STAMBPL1: variants seen among roughly 807,000 people sequenced by gnomAD.
STAMBPL1 encodes AMSH-like protease.
In STAMBPL1, 44 loss-of-function variants were observed where a neutral mutation model predicts 52.9. That is an observed-to-expected ratio of 0.83 (90% confidence interval 0.65 to 1.07). The LOEUF (loss-of-function observed/expected upper bound fraction) is 1.07. Ranked by LOEUF, STAMBPL1 falls within the 50% of genes least tolerant of loss-of-function variation. The pLI is 0.00. For missense variants in STAMBPL1, 511 were observed against 520.8 expected, an observed-to-expected ratio of 0.98 and a Z score of 0.18; for synonymous variants, 164 against 177.3, an observed-to-expected ratio of 0.92 and a Z score of 0.60.
chr10:88,902,442 T>C (rs1844966574), intron 2 of STAMBPL1, among the ~76,000 whole-genome samples: 1 of 152,222 alleles, frequency 6.6e-6, no homozygotes, highest in Non-Finnish European at 1.5e-5. Context: ...CAGCCACTCA[T>C]GGTGACCTTG....
chr10:88,886,720 C>T (rs1844543810), intron 1 of STAMBPL1, among the ~76,000 whole-genome samples: 1 of 152,142 alleles, frequency 6.6e-6, no homozygotes, highest in Middle Eastern at 3.2e-3. Context: ...CCCTTTTTAG[C>T]TCCCTGTGAA....
chr10:88,908,498 G>A (rs1845133006), intron 3 of STAMBPL1, among the ~76,000 whole-genome samples: 1 of 152,144 alleles, frequency 6.6e-6, no homozygotes, highest in Non-Finnish European at 1.5e-5. Flanking sequence ...GTTAGCTTTG[G>A]TGCTTAGTTG....
Position 88,911,685 on chromosome 10 carries a change from ACT to A in STAMBPL1, c.420+678_420+679del, listed in dbSNP as rs773345033. ...GCTTTAGGGGTTACCACCTTCACTG[ACT>A]CTCACTTCAGTTCAATCTCATCATC... is the stretch of plus-strand genomic sequence containing the variant. On this transcript the variant is annotated intron_variant, in intron 5 of 10. Transcript: ENST00000371926. 6.6e-5 allele frequency among the ~76,000 whole-genome samples: 10 copies of A among 152,202 alleles called. 1 individual carries two copies. Among genetic ancestry groups the A allele is most frequent in the South Asian group, 4.2e-4 (2 of 4,816 alleles).
At chr10:88,886,551 A>G (rs1844538674) in intron 1 of STAMBPL1, among the ~76,000 whole-genome samples, 2 of 152,198 alleles carry the variant, frequency 1.3e-5, no homozygotes, top group Non-Finnish European at 2.9e-5. Context: ...TGCAATGCTT[A>G]GGTATAGTGG....
intron 6 of STAMBPL1, among the ~76,000 whole-genome samples, chr10:88,913,979 G>A (rs1441022550): frequency 6.6e-6 from 1 of 152,194 alleles, no homozygotes; most frequent in South Asian, 2.1e-4. Context: ...TGCCAGATCA[G>A]TGCTGGCAAG....
At chr10:88,909,395 C>T (rs1845158959) in intron 4 of STAMBPL1, among the ~76,000 whole-genome samples, 1 of 151,850 alleles carries the variant, frequency 6.6e-6, no homozygotes, top group South Asian at 2.1e-4. Context: ...ACAATGTTTC[C>T]CATTTATTTG....
chr10:88,916,432 G>A (rs1845371362), intron 7 of STAMBPL1, among the ~76,000 whole-genome samples: 1 of 151,116 alleles, frequency 6.6e-6, no homozygotes, highest in Admixed American at 6.6e-5. Context: ...TTGTGAAACT[G>A]GGTTTCAAGC....
intron 1 of STAMBPL1, among the ~76,000 whole-genome samples, chr10:88,886,833 C>A (rs1031314390): frequency 6.6e-6 from 1 of 152,190 alleles, no homozygotes; most frequent in African/African-American, 2.4e-5. Context: ...GTGCACTAAT[C>A]AGCTATGCAC....
At chr10:88,914,371 A>G (rs1172651346) in intron 6 of STAMBPL1, among the ~76,000 whole-genome samples, 163 bp from the exon 7 acceptor site, 1 of 152,146 alleles carries the variant, frequency 6.6e-6, no homozygotes, top group African/African-American at 2.4e-5. Context: ...ACTTCTAGTT[A>G]ATGTTTACTT....
Position 88,914,535 on chromosome 10 carries a change from T to G in STAMBPL1, c.780T>G (p.Asn260Lys), listed in dbSNP as rs1456955429. The change falls in exon 7 of 11, where the codon AAT (asparagine) becomes AAG (lysine). Residue 260 changes from asparagine to lysine, a missense_variant and splice_region_variant. This residue lies in a region of STAMBPL1 where 358 missense variants were observed against 343.5 expected (regional missense o/e 1.04). Coordinates refer to ENST00000371926, the MANE Select transcript of STAMBPL1 (RefSeq NM_020799.4). The stretch of plus-strand genomic sequence containing the variant: ...TTTTCTCCCTTTTTTGTTTCTTAGA[T>G]TTAGTGGTTGAAGGACTGCGATGTG... Reference protein sequence around the residue: ...TPAATLSAVQNLVVEGLRCVV... With the variant: ...TPAATLSAVQKLVVEGLRCVV... The G allele has an allele frequency of 1.3e-6, 2 of 1,493,586 alleles. No individual in the cohort carries two copies. The highest frequency in any genetic ancestry group is 2.9e-5 in the African/African-American group (2 of 69,594). The allele number at this position is 1,493,586 out of a possible 1,614,324, so 92.5% of individuals were successfully genotyped here. A position where few individuals can be genotyped will look rare whatever the true frequency, so the allele number is the denominator to read the frequency against.
chr10:88,905,620 A>G lies in STAMBPL1; in HGVS notation c.208A>G (p.Asn70Asp), dbSNP rs1355784872. 1.2e-6 allele frequency: 2 copies of G among 1,613,930 alleles called. No homozygotes were observed. The highest frequency in any genetic ancestry group is 2.7e-5 in the African/African-American group (2 of 74,908). ...RMASVYLEEGNLENAFVLYNK... is the reference protein window; with the variant it reads ...RMASVYLEEGDLENAFVLYNK... ...GGCGTCTGTGTATTTGGAAGAAGGA[A>G]ATTTGGAAAATGCCTTTGTTCTTTA... Residue 70 changes from asparagine to aspartate, a missense_variant, in exon 3 of 11, where the codon AAT becomes GAT. By Grantham distance (23) the Asn-to-Asp change is conservative. Transcript: ENST00000371926.
chr10:88,881,456 G>C (rs1171690201), intron 1 of STAMBPL1, among the ~76,000 whole-genome samples: 1 of 152,044 alleles, frequency 6.6e-6, no homozygotes. Flanking sequence ...TCGGTAGTAA[G>C]TAAAAAAGAC....
rs1393043925 is a variant in STAMBPL1, at chr10:88,916,806, G to T, written c.1030G>T (p.Gly344Ter). 6.3e-7 allele frequency: 1 copy of T among 1,594,142 alleles called. No homozygotes were observed. ...GGATCAACATGATCTCCTCACTCTA[G>T]GATGGATCCATGTACGTTTGACCTT... is the stretch of plus-strand genomic sequence containing the variant. ...VQDQHDLLTL[G>*]WIHTHPTQTA... Residue 344 changes from glycine to a stop codon, truncating the protein, a stop_gained, in exon 8 of 11, where the codon GGA (glycine) becomes TGA (stop). Transcript: ENST00000371926. LOFTEE classifies it high-confidence loss of function.
intron 1 of STAMBPL1, among the ~76,000 whole-genome samples, chr10:88,888,428 T>C (rs1383777614): frequency 6.6e-6 from 1 of 152,160 alleles, no homozygotes; most frequent in African/African-American, 2.4e-5. Context: ...GGCTGGTTTG[T>C]CACCATAAAG....
At chr10:88,911,098 T>C (rs1035319562) in intron 5 of STAMBPL1, 87 bp downstream of exon 5, 9 of 878,386 alleles carry the variant, frequency 1.0e-5, no homozygotes, top group Non-Finnish European at 1.3e-5. Context: ...GTTTTTCAAA[T>C]GTTTTGTGCA....
chr10:88,909,474 T>C (rs971659427), intron 4 of STAMBPL1, among the ~76,000 whole-genome samples: 1 of 152,218 alleles, frequency 6.6e-6, no homozygotes, highest in Non-Finnish European at 1.5e-5. Context: ...AATTGTAGCA[T>C]GAAATTTTAA....
intron 1 of STAMBPL1, among the ~76,000 whole-genome samples, chr10:88,889,446 A>G (rs1589350647): frequency 6.6e-6 from 1 of 152,210 alleles, no homozygotes; most frequent in East Asian, 1.9e-4. Context: ...TTAACTGTTT[A>G]TATTTCTCTT....
intron 4 of STAMBPL1, among the ~76,000 whole-genome samples, chr10:88,908,999 G>A (rs528360404): frequency 3.6e-4 from 55 of 152,290 alleles, no homozygotes; most frequent in African/African-American, 1.3e-3. Context: ...AAAGAAATAC[G>A]TTACCTAATA....
intron 1 of STAMBPL1, among the ~76,000 whole-genome samples, chr10:88,887,556 T>C (rs1429070349): frequency 6.6e-6 from 1 of 152,118 alleles, no homozygotes; most frequent in Non-Finnish European, 1.5e-5. Flanking sequence ...AAAACAAGGG[T>C]CGTGGTCTGT....
Sources: gnomAD v4.1 joint callset for allele counts (sites outside exome capture counted in the v4.1 genomes callset) on GRCh38, gnomAD v4.1.1 for gene constraint, gnomAD v4.1.1 regional missense constraint, MANE v1.5 for transcripts, NCBI Gene and HGNC (gene_info 2026-07-23, HGNC 2026-07-21) for gene names.